The following TPTE variants were observed in gnomAD, a reference collection of about 807,000 sequenced individuals.
TPTE encodes putative tyrosine-protein phosphatase TPTE.
In TPTE, 59 loss-of-function variants were observed where a neutral mutation model predicts 84.1. That is an observed-to-expected ratio of 0.70 (90% CI 0.57 to 0.87). The LOEUF is 0.87. Among genes scored for constraint, TPTE ranks in the 40% least tolerant of loss-of-function variants. TPTE has a pLI of 0.00. For missense variants in TPTE, 382 were observed against 659.6 expected (o/e 0.58, Z 4.61); for synonymous variants, 130 against 223.5 (o/e 0.58, Z 3.73).
chr21:10,589,176 A>T (rs2075418673), intron 17 of TPTE, among the ~76,000 whole-genome samples: 1 of 152,306 alleles, frequency 6.6e-6, no homozygotes, highest in Non-Finnish European at 1.5e-5. Flanking sequence ...CTTTCCTATA[A>T]TATTATTGTT....
intron 7 of TPTE, among the ~76,000 whole-genome samples, chr21:10,552,014 C>A (rs536629285): frequency 6.6e-6 from 1 of 152,300 alleles, no homozygotes; most frequent in South Asian, 2.1e-4. Flanking sequence ...CATTGTTGTC[C>A]TATTTTAAGA....
At chr21:10,554,441 C>T (rs573103071) in intron 8 of TPTE, among the ~76,000 whole-genome samples, 113 of 152,372 alleles carry the variant, frequency 7.4e-4, no homozygotes, top group Middle Eastern at 6.8e-3. Context: ...CATTTCTCCC[C>T]TCCCACACTT....
intron 7 of TPTE, among the ~76,000 whole-genome samples, chr21:10,545,681 G>T (rs1004622861): frequency 6.6e-6 from 1 of 152,228 alleles, no homozygotes; most frequent in East Asian, 1.9e-4. Flanking sequence ...GTGTGTGTGT[G>T]TATATATACA....
intron 7 of TPTE, among the ~76,000 whole-genome samples, chr21:10,547,233 C>G (rs1379351903): frequency 5.3e-5 from 8 of 151,866 alleles, no homozygotes; most frequent in Non-Finnish European, 7.3e-5. Context: ...CAAGAAAGAA[C>G]CGAGGCAAGA....
chr21:10,535,322 A>G (rs1164821988), intron 3 of TPTE, among the ~76,000 whole-genome samples: 1 of 152,308 alleles, frequency 6.6e-6, no homozygotes, highest in East Asian at 1.9e-4. Flanking sequence ...ATACATATAT[A>G]CACATAACAT....
intron 22 of TPTE, among the ~76,000 whole-genome samples, chr21:10,603,200 CA>C (rs372470631): frequency 0.012 from 1,820 of 148,940 alleles, no homozygotes; most frequent in African/African-American, 0.045. Flanking sequence ...GCTGAGGCAA[CA>C]AAAAAATTAC....
At chr21:10,556,946 C>T (rs1325849468) in intron 8 of TPTE, among the ~76,000 whole-genome samples, 2 of 152,304 alleles carry the variant, frequency 1.3e-5, no homozygotes, top group African/African-American at 4.8e-5. Context: ...GATATTAGTC[C>T]TTTGTCAGAT....
intron 21 of TPTE, among the ~76,000 whole-genome samples, chr21:10,599,334 C>T (rs1172498629): frequency 1.3e-5 from 2 of 152,308 alleles, no homozygotes; most frequent in Admixed American, 6.5e-5. Flanking sequence ...CAGTGGTCTC[C>T]TTACCCTTTC....
chr21:10,563,429 G>A (rs150474), intron 10 of TPTE, among the ~76,000 whole-genome samples: 1 of 152,294 alleles, frequency 6.6e-6, no homozygotes, highest in African/African-American at 2.4e-5. Context: ...ATGAGCCAAT[G>A]AAAAATATTA....
intron 22 of TPTE, 109 bp downstream of exon 22, chr21:10,602,259 A>G: frequency 2.2e-6 from 3 of 1,350,998 alleles, no homozygotes; most frequent in East Asian, 2.3e-5. Flanking sequence ...GGGGAAGAAA[A>G]CAATAAATCA....
At chr21:10,541,365 A>G (rs1165621279) in intron 5 of TPTE, among the ~76,000 whole-genome samples, 200 bp downstream of exon 5, 9 of 152,290 alleles carry the variant, frequency 5.9e-5, no homozygotes, top group Admixed American at 5.2e-4. Context: ...CCAGCTACTC[A>G]GGAGACTGAG....
At chr21:10,576,099 C>T (rs2075144217) in intron 14 of TPTE, among the ~76,000 whole-genome samples, 1 of 152,308 alleles carries the variant, frequency 6.6e-6, no homozygotes, top group Non-Finnish European at 1.5e-5. Flanking sequence ...GAATATAAAT[C>T]ATTGTCTTAT....
At chr21:10,555,993 T>C (rs554586585) in intron 8 of TPTE, among the ~76,000 whole-genome samples, 1 of 152,306 alleles carries the variant, frequency 6.6e-6, no homozygotes, top group African/African-American at 2.4e-5. Flanking sequence ...TGATTTTATA[T>C]TATTTATCTT....
chr21:10,556,229 T>G (rs1211844708), intron 8 of TPTE, among the ~76,000 whole-genome samples: 1 of 152,310 alleles, frequency 6.6e-6, no homozygotes, highest in Non-Finnish European at 1.5e-5. Context: ...TGTGTGATGT[T>G]CCCCTTCCTG....
At chr21:10,600,295 A>G (rs1227979561) in intron 21 of TPTE, among the ~76,000 whole-genome samples, 1 of 152,304 alleles carries the variant, frequency 6.6e-6, no homozygotes, top group Non-Finnish European at 1.5e-5. Flanking sequence ...ATGTGCTACC[A>G]CACCTGGCTA....
intron 19 of TPTE, among the ~76,000 whole-genome samples, chr21:10,595,214 T>G (rs2075558913): frequency 1.3e-5 from 2 of 152,312 alleles, no homozygotes; most frequent in Non-Finnish European, 2.9e-5. Flanking sequence ...GGCCTATTTT[T>G]GTACTTTTAG....
intron 3 of TPTE, among the ~76,000 whole-genome samples, chr21:10,531,297 G>A (rs2074174162): frequency 1.3e-5 from 2 of 152,312 alleles, no homozygotes; most frequent in Admixed American, 6.5e-5. Context: ...GTGAGGGTGA[G>A]TGAGTACTCA....
chr21:10,590,072 ATATC>A (rs1316860431), intron 17 of TPTE, among the ~76,000 whole-genome samples: 1 of 152,308 alleles, frequency 6.6e-6, no homozygotes, highest in Non-Finnish European at 1.5e-5. Flanking sequence ...TGGTGTAAAA[ATATC>A]TTCTACTGCA....
intron 3 of TPTE, among the ~76,000 whole-genome samples, chr21:10,536,086 T>C (rs923980630): frequency 6.6e-6 from 1 of 152,306 alleles, no homozygotes; most frequent in African/African-American, 2.4e-5. Flanking sequence ...GAGACCAGCC[T>C]GACCAACATG....
Sources: allele counts gnomAD v4.1 joint callset (sites outside exome capture counted in the v4.1 genomes callset), GRCh38; gene constraint gnomAD v4.1.1; transcripts MANE v1.5; gene names NCBI Gene and HGNC (gene_info 2026-07-23, HGNC 2026-07-21).